Variants in PLCG2 observed in about 807,000 individuals in gnomAD.
PLCG2 encodes phospholipase C gamma 2.
Under a neutral mutation model 175.6 loss-of-function variants are expected in PLCG2, and 69 were observed. The observed-to-expected ratio is 0.39, with a 90% CI of 0.32 to 0.48. The LOEUF is 0.48. Ranked by LOEUF, PLCG2 falls within the 20% of genes least tolerant of loss-of-function variation. The pLI, the probability that PLCG2 is intolerant of heterozygous loss-of-function variation, is 0.91. For missense variants in PLCG2, 1,798 were observed against 1,650.9 expected (o/e 1.09, Z -1.54); for synonymous variants, 827 against 624.0 (o/e 1.33, Z -4.85).
chr16:81,791,435 G>A (rs961529019), intron 2 of PLCG2, among the ~76,000 whole-genome samples: 1 of 152,122 alleles, frequency 6.6e-6, no homozygotes, highest in African/African-American at 2.4e-5. Flanking sequence ...GCTCAGCTGG[G>A]CAATTCTTCT....
At position 81,960,961 on chromosome 16, in the gene PLCG2, G is replaced by A. The variant is rs554369937; in HGVS notation, c.*2963G>A. ...TCACCTTACAAAAGAAAATATGGCTGTCTCCACCTCTAGTCTTACTGTAGA... is the reference window on the plus strand; with the variant it reads ...TCACCTTACAAAAGAAAATATGGCTATCTCCACCTCTAGTCTTACTGTAGA... On this transcript the variant is annotated 3_prime_UTR_variant, in exon 33 of 33. Coordinates refer to ENST00000564138, the MANE Select transcript of PLCG2 (RefSeq NM_002661.5). The A allele has an allele frequency of 1.8e-4, 42 of 229,410 alleles. 1 individual carries two copies. The South Asian group carries it at 7.1e-3, about 39-fold the overall frequency. 14.2% of individuals were successfully genotyped at this position (229,410 alleles called of 1,614,324 possible).
chr16:81,941,180 C>G (rs944027469), intron 30 of PLCG2, among the ~76,000 whole-genome samples: 4 of 152,198 alleles, frequency 2.6e-5, no homozygotes, highest in Non-Finnish European at 5.9e-5. Context: ...ATAAACCTGA[C>G]CATTTCTGCT....
intron 1 of PLCG2, among the ~76,000 whole-genome samples, chr16:81,745,775 C>G (rs1296746747): frequency 6.6e-6 from 1 of 152,304 alleles, no homozygotes; most frequent in East Asian, 1.9e-4. Flanking sequence ...TTGGCCCAGG[C>G]TGATTCAGCA....
At chr16:81,882,167 T>C (rs976400794) in intron 8 of PLCG2, among the ~76,000 whole-genome samples, 1 of 152,152 alleles carries the variant, frequency 6.6e-6, no homozygotes, top group Non-Finnish European at 1.5e-5. Flanking sequence ...ACATACCCAT[T>C]ACCCTGGGAA....
intron 2 of PLCG2, among the ~76,000 whole-genome samples, chr16:81,790,152 C>T (rs941415843): frequency 6.6e-5 from 10 of 152,268 alleles, no homozygotes; most frequent in African/African-American, 1.7e-4. Context: ...TGGAGAGGCT[C>T]GGCTGAATTC....
At chr16:81,746,292 A>T (rs575673186) in intron 1 of PLCG2, among the ~76,000 whole-genome samples, 1 of 152,206 alleles carries the variant, frequency 6.6e-6, no homozygotes, top group African/African-American at 2.4e-5. Context: ...CGCCACTGGC[A>T]GGGTGCCTTG....
intron 2 of PLCG2, among the ~76,000 whole-genome samples, chr16:81,796,613 A>G (rs1233158245): frequency 6.6e-6 from 1 of 152,200 alleles, no homozygotes; most frequent in Non-Finnish European, 1.5e-5. Flanking sequence ...GGGTCTTTGC[A>G]GATGTAATTA....
chr16:81,877,092 G>A (rs964408377), intron 7 of PLCG2, among the ~76,000 whole-genome samples: 11 of 152,242 alleles, frequency 7.2e-5, no homozygotes, highest in Admixed American at 2.6e-4. Context: ...TCACCGTCTT[G>A]CCCCAGCTCA....
intron 2 of PLCG2, among the ~76,000 whole-genome samples, chr16:81,803,517 T>G (rs980264960): frequency 7.6e-6 from 1 of 131,866 alleles, no homozygotes; most frequent in Non-Finnish European, 1.8e-5. Flanking sequence ...TTTTCTTTGT[T>G]CTTTCTTTCC....
At chr16:81,851,131 C>T (rs574579775) in intron 2 of PLCG2, among the ~76,000 whole-genome samples, 1 of 152,274 alleles carries the variant, frequency 6.6e-6, no homozygotes, top group East Asian at 1.9e-4. Context: ...ATACCACCCC[C>T]CTAATAATAG....
Position 81,895,774 on chromosome 16 carries a change from G to A in PLCG2, c.1073-33G>A, listed in dbSNP as rs13333348. 0.069 allele frequency: 111,094 copies of A among 1,612,914 alleles called. 4,321 individuals carry two copies. Among genetic ancestry groups the A allele is most frequent in the Non-Finnish European group, 0.078 (92,035 of 1,179,204 alleles). On this transcript the variant is annotated intron_variant, in intron 12 of 32. Transcript: ENST00000564138. ...ACCTCGGGGCTGTCAGTGAACACAC[G>A]TGGTATTGAGGCTGCCGCGTTTCTC...
chr16:81,867,702 C>CTT (rs1196471227), intron 5 of PLCG2, among the ~76,000 whole-genome samples: 60 of 150,572 alleles, frequency 4.0e-4, no homozygotes, highest in Middle Eastern at 3.5e-3. Flanking sequence ...CCTCCCTTTT[C>CTT]TTTTTTATTT....
chr16:81,858,613 C>G (rs1450531934), intron 4 of PLCG2, among the ~76,000 whole-genome samples: 1 of 152,100 alleles, frequency 6.6e-6, no homozygotes, highest in African/African-American at 2.4e-5. Flanking sequence ...TAGAAACATT[C>G]CTGGGGTATG....
At position 81,789,284 on chromosome 16, in the gene PLCG2, A is replaced by G. The variant is rs184007236; in HGVS notation, c.193+3102A>G. Among the ~76,000 whole-genome samples, 509 of 152,266 alleles carry G rather than the reference A, an allele frequency of 3.3e-3. 2 individuals carry two copies. The highest frequency in any genetic ancestry group is 0.012 in the African/African-American group (490 of 41,554). On this transcript the variant is annotated intron_variant, in intron 2 of 32. Coordinates refer to ENST00000564138, the MANE Select transcript of PLCG2 (RefSeq NM_002661.5). ...AATACCATTTCACTCGCTTACGCGG[A>G]TGCGCTCTCTCGCTCTCTGTTTTAG...
Position 81,895,895 on chromosome 16 carries a change from G to A in PLCG2, c.1161G>A (p.Gln387=). The part of the protein sequence containing the change: ...TTKIKFDDVV[Q]AIKDHAFVTS... ...AGATCAAGTTTGACGACGTCGTGCA[G>A]GCCATCAAAGACCACGCCTTTGTTA... is the stretch of plus-strand genomic sequence containing the variant. The change falls in exon 13 of 33, where the codon CAG becomes CAA. Residue 387 remains glutamine (Q), a synonymous_variant. Coordinates refer to ENST00000564138, the MANE Select transcript of PLCG2 (RefSeq NM_002661.5). 6.2e-7 allele frequency: 1 copy of A among 1,614,138 alleles called. No individual in the cohort carries two copies. The highest frequency in any genetic ancestry group is 8.5e-7 in the Non-Finnish European group (1 of 1,180,012).
At chr16:81,914,501 T>G (rs1297361091) in intron 19 of PLCG2, among the ~76,000 whole-genome samples, 1 of 152,310 alleles carries the variant, frequency 6.6e-6, no homozygotes, top group South Asian at 2.1e-4. Context: ...ATTGCCTGAC[T>G]TACATACACG....
intron 19 of PLCG2, among the ~76,000 whole-genome samples, chr16:81,916,136 C>G (rs1909829097): frequency 6.6e-6 from 1 of 150,870 alleles, no homozygotes; most frequent in Admixed American, 6.6e-5. Context: ...TTTCTTTCCT[C>G]TGTTTTTTTA....
chr16:81,759,632 G>A (rs1402395305), intron 2 of PLCG2, among the ~76,000 whole-genome samples: 1 of 152,180 alleles, frequency 6.6e-6, no homozygotes, highest in Non-Finnish European at 1.5e-5. Context: ...AGTGCCTGGA[G>A]CCCCTGTCAT....
At chr16:81,807,342 T>A (rs1904285931) in intron 2 of PLCG2, among the ~76,000 whole-genome samples, 1 of 152,166 alleles carries the variant, frequency 6.6e-6, no homozygotes, top group Admixed American at 6.5e-5. Context: ...AGGAGGGCAC[T>A]GAGGAGGATG....
Sources: allele counts gnomAD v4.1 joint callset (sites outside exome capture counted in the v4.1 genomes callset), GRCh38; gene constraint gnomAD v4.1.1; transcripts MANE v1.5; gene names NCBI Gene and HGNC (gene_info 2026-07-23, HGNC 2026-07-21).